Variants in RASAL1 observed in about 807,000 individuals in gnomAD.
The protein encoded by RASAL1 is rasGAP-activating-like protein 1.
RASAL1 carries 72 observed loss-of-function variants against 96.6 expected under a neutral mutation model. The observed-to-expected ratio is 0.75, with a 90% CI of 0.62 to 0.91. RASAL1 has a LOEUF of 0.91. Ranked by LOEUF, RASAL1 falls within the 40% of genes least tolerant of loss-of-function variation. The pLI, the probability that RASAL1 is intolerant of heterozygous loss-of-function variation, is 0.00. For missense variants in RASAL1, 1,016 were observed against 1,072.5 expected (o/e 0.95, Z 0.74); for synonymous variants, 405 against 430.4 (o/e 0.94, Z 0.73).
rs1293803983 is a variant in RASAL1, at chr12:113,129,930, C to T, written c.122+955G>A. Among the ~76,000 whole-genome samples the T allele has an allele frequency of 6.6e-6, 1 of 152,200 alleles. No individual in the cohort carries two copies. Among genetic ancestry groups the T allele is most frequent in the Non-Finnish European group, 1.5e-5 (1 of 68,028 alleles). On this transcript the variant is annotated intron_variant, in intron 2 of 20. Coordinates refer to ENST00000548055, the MANE Select transcript of RASAL1 (RefSeq NM_001301202.2). The surrounding 1 kb of genome is among the most constrained non-coding windows in gnomAD (Gnocchi z 5.0). ...AGCAGCCTGGGGTCACACAGAAAATCAATCTGTGGGTTTGGGGTGGTGTCA... is the reference window on the plus strand; with the variant it reads ...AGCAGCCTGGGGTCACACAGAAAATTAATCTGTGGGTTTGGGGTGGTGTCA...
chr12:113,134,929 A>T (rs568925135), intron 1 of RASAL1, among the ~76,000 whole-genome samples: 5 of 152,186 alleles, frequency 3.3e-5, no homozygotes, highest in African/African-American at 1.2e-4. Flanking sequence ...TAAGCACCAG[A>T]TCCACACAGG....
chr12:113,104,005 C>T lies in RASAL1; in HGVS notation c.2045G>A (p.Cys682Tyr). ...SAPNPNKLAA[C>Y]HPGAFRSARW... ...CGCGCTGCGGAAGGCACCGGGGTGG[C>T]AGGCGGCCAGCTTGTTCGGGTTGGG... The change falls in exon 18 of 21, where the codon TGC (cysteine) becomes TAC (tyrosine). Residue 682 changes from cysteine to tyrosine, a missense_variant. Coordinates refer to ENST00000548055, the MANE Select transcript of RASAL1 (RefSeq NM_001301202.2). The T allele has an allele frequency of 6.4e-7, 1 of 1,571,300 alleles. No individual in the cohort carries two copies. The highest frequency in any genetic ancestry group is 8.6e-7 in the Non-Finnish European group (1 of 1,157,148).
intron 20 of RASAL1, 38 bp from the exon 21 acceptor site, chr12:113,100,106 T>G: frequency 3.2e-6 from 5 of 1,545,714 alleles, no homozygotes; most frequent in Non-Finnish European, 4.4e-6. Flanking sequence ...GCTCAGCCAG[T>G]CCAGGGCAGG....
chr12:113,136,171 G>A (rs1305540014), upstream of RASAL1: 1 of 152,272 alleles, frequency 6.6e-6, no homozygotes, highest in Non-Finnish European at 1.5e-5. Context: ...TTCCCTGGGG[G>A]TCCGTTCAGA....
At position 113,104,251 on chromosome 12, in the gene RASAL1, T is replaced by C. The variant is rs558010227; in HGVS notation, c.1878A>G (p.Val626=). 1.6e-5 allele frequency: 25 copies of C among 1,598,146 alleles called. No individual in the cohort carries two copies. The Admixed American group carries it at 3.0e-4, about 19-fold the overall frequency. Residue 626 remains valine, a synonymous_variant, in exon 17 of 21, where the codon GTA becomes GTG. Coordinates refer to ENST00000548055, the MANE Select transcript of RASAL1 (RefSeq NM_001301202.2). The stretch of plus-strand genomic sequence containing the variant: ...GGGGCAGTTGGAAGGCGCCCTCGTC[T>C]ACGCGCTCCACGGCGCGGATGTGAG... The part of the protein sequence containing the change: ...PVSHIRAVER[V]DEGAFQLPHV...
rs1465621298 is a variant in RASAL1, at chr12:113,117,499, A to G, written c.643-338T>C. Among the ~76,000 whole-genome samples, 2 of 152,198 alleles carry G rather than the reference A, an allele frequency of 1.3e-5. 1 individual carries two copies. The highest frequency in any genetic ancestry group is 1.3e-4 in the Admixed American group (2 of 15,286). On this transcript the variant is annotated intron_variant, in intron 7 of 20. Transcript: ENST00000548055. ...CTGTTTAGGGACATAAATTTCTTCTATCAAAAGGCATAAGGACAGCCCTGG... is the reference window on the plus strand; with the variant it reads ...CTGTTTAGGGACATAAATTTCTTCTGTCAAAAGGCATAAGGACAGCCCTGG...
chr12:113,116,019 C>A lies in RASAL1; in HGVS notation c.764G>T (p.Arg255Leu), dbSNP rs756048027. 1.4e-5 allele frequency: 23 copies of A among 1,604,526 alleles called. No homozygotes were observed. The highest frequency in any genetic ancestry group is 1.7e-6 in the Non-Finnish European group (2 of 1,175,424). The change falls in exon 9 of 21, where the codon CGC becomes CTC. Residue 255 changes from arginine to leucine, a missense_variant. By Grantham distance (102) the Arg-to-Leu change is moderately radical (BLOSUM62 -2). Transcript: ENST00000548055. ...GGGCAGGACGCGGTCCTCAATCAGG[C>A]GTACCTTCACTCGCAGGGCACCCAG... The part of the protein sequence containing the change: ...GNLGALRVKV[R>L]LIEDRVLPSQ...
At chr12:113,107,319 C>A (rs965642782) in intron 14 of RASAL1, 78 bp from the exon 15 acceptor site, 1 of 1,449,870 alleles carries the variant, frequency 6.9e-7, no homozygotes, top group East Asian at 2.5e-5. Flanking sequence ...CAAATCAGTG[C>A]TCAATAAAAG....
chr12:113,130,071 C>A lies in RASAL1; in HGVS notation c.122+814G>T, dbSNP rs1442517550. On this transcript the variant is annotated intron_variant, in intron 2 of 20. Coordinates refer to ENST00000548055, the MANE Select transcript of RASAL1 (RefSeq NM_001301202.2). This position sits in a 1 kb window ranked among gnomAD's most constrained non-coding sequence, Gnocchi z 5.1. Reference sequence around the variant, plus strand: ...CAGGCTCCCCACCCCCAGCTCTGAGCCCATCTGGACCAGAATAGGAGCATC... The same window carrying A: ...CAGGCTCCCCACCCCCAGCTCTGAGACCATCTGGACCAGAATAGGAGCATC... Among the ~76,000 whole-genome samples, 1 of 151,938 alleles carries A rather than the reference C, an allele frequency of 6.6e-6. No individual in the cohort carries two copies. The highest frequency in any genetic ancestry group is 1.9e-4 in the East Asian group (1 of 5,150).
At position 113,130,105 on chromosome 12, in the gene RASAL1, T is replaced by C. The variant is rs926074648; in HGVS notation, c.122+780A>G. 6.6e-5 allele frequency among the ~76,000 whole-genome samples: 10 copies of C among 151,732 alleles called. No homozygotes were observed. Among genetic ancestry groups the C allele is most frequent in the African/African-American group, 2.2e-4 (9 of 41,304 alleles). ...ACCAGAATAGGAGCATCCTGAATCC[T>C]GCCGTCTCCATAGGAACCAAGGCCT... On this transcript the variant is annotated intron_variant, in intron 2 of 20. Coordinates refer to ENST00000548055, the MANE Select transcript of RASAL1 (RefSeq NM_001301202.2). This position sits in a 1 kb window ranked among gnomAD's most constrained non-coding sequence, Gnocchi z 5.1.
intron 4 of RASAL1, among the ~76,000 whole-genome samples, chr12:113,126,723 C>T (rs569835437): frequency 6.6e-6 from 1 of 150,816 alleles, no homozygotes; most frequent in East Asian, 2.0e-4. Context: ...CACACACACA[C>T]ACACAAAAGG....
At chr12:113,117,952 G>A (rs1207468900) in intron 7 of RASAL1, among the ~76,000 whole-genome samples, 1 of 152,178 alleles carries the variant, frequency 6.6e-6, no homozygotes, top group African/African-American at 2.4e-5. Context: ...AGGCTGGGTG[G>A]GTAGCTCATG....
In RASAL1 at chr12:113,116,975, A is replaced by G. The variant is rs1470358899; in HGVS notation, c.731+98T>C. ...AATGGATGAATGCATGAAGTGGCATAGTGATAATGTGTGGGCTGGCATGGG... is the reference window on the plus strand; with the variant it reads ...AATGGATGAATGCATGAAGTGGCATGGTGATAATGTGTGGGCTGGCATGGG... On this transcript the variant is annotated intron_variant, in intron 8 of 20. Transcript: ENST00000548055. 5.6e-6 allele frequency: 5 copies of G among 893,346 alleles called. No homozygotes were observed. The East Asian group carries it at 1.4e-4, about 25-fold the overall frequency. 55.3% of individuals were successfully genotyped at this position (893,346 alleles called of 1,614,324 possible).
chr12:113,107,035 G>A (rs923108529), intron 15 of RASAL1, 62 bp downstream of exon 15: 8 of 1,515,102 alleles, frequency 5.3e-6, no homozygotes, highest in African/African-American at 2.8e-5. Flanking sequence ...GAAAGGGGAA[G>A]TCCCTGAGTG....
In RASAL1 at chr12:113,101,978, G is replaced by A. The variant is rs1950464749; in HGVS notation, c.2136C>T (p.Val712=). ...AAGCSRTHSA[V]TLGDWSDPLD... is the part of the protein sequence containing the mutation. ...GTGGGTCACTCCAGTCCCCCAGGGT[G>A]ACAGCTGAGTGTGTACGGCTGCAGC... is the stretch of plus-strand genomic sequence containing the variant. Residue 712 remains valine (V), a synonymous_variant, in exon 19 of 21, where the codon GTC becomes GTT. Transcript: ENST00000548055. 1.2e-6 allele frequency: 2 copies of A among 1,614,138 alleles called. No homozygotes were observed. Among genetic ancestry groups the A allele is most frequent in the East Asian group, 2.2e-5 (1 of 44,868 alleles).
chr12:113,119,957 T>C (rs1361420150), intron 5 of RASAL1, among the ~76,000 whole-genome samples: 1 of 152,226 alleles, frequency 6.6e-6, no homozygotes, highest in Non-Finnish European at 1.5e-5. Context: ...GCATAGCACC[T>C]GGCAGGTGAT....
chr12:113,112,745 G>A (rs1207769335), intron 12 of RASAL1, among the ~76,000 whole-genome samples: 2 of 152,124 alleles, frequency 1.3e-5, no homozygotes, highest in African/African-American at 4.8e-5. Context: ...GAGACCAGGA[G>A]TTCAAGACCA....
At chr12:113,111,398 C>T (rs1950860749) in intron 13 of RASAL1, among the ~76,000 whole-genome samples, 1 of 152,136 alleles carries the variant, frequency 6.6e-6, no homozygotes, top group African/African-American at 2.4e-5. Flanking sequence ...CAATATCACT[C>T]CTTTCTACCT....
In RASAL1 at chr12:113,126,460, C is replaced by T. The variant is rs550420857; in HGVS notation, c.298+1352G>A. Among the ~76,000 whole-genome samples, 22 of 152,136 alleles carry T rather than the reference C, an allele frequency of 1.4e-4. No homozygotes were observed. In the East Asian group the frequency reaches 3.5e-3, roughly 24 times the overall value. ...CTTTGGGAGGCCAAGGCAGGTGGAT[C>T]ACTTGAGGCCAAGAGTTCAAGACCA... On this transcript the variant is annotated intron_variant, in intron 4 of 20. Coordinates refer to ENST00000548055, the MANE Select transcript of RASAL1 (RefSeq NM_001301202.2).
Sources: allele counts gnomAD v4.1 joint callset (sites outside exome capture counted in the v4.1 genomes callset), GRCh38; gene constraint gnomAD v4.1.1; non-coding constraint Gnocchi (gnomAD v3.1); transcripts MANE v1.5; gene names NCBI Gene and HGNC (gene_info 2026-07-23, HGNC 2026-07-21).